CDH4: variants seen among roughly 807,000 people sequenced by gnomAD.
The protein encoded by CDH4 is cadherin-4.
CDH4 carries 33 observed loss-of-function variants against 86.0 expected under a neutral mutation model. That is an observed-to-expected ratio of 0.38 (90% CI 0.29 to 0.51). The LOEUF (loss-of-function observed/expected upper bound fraction) is 0.51, where lower values mean the gene tolerates loss of function less well. Among genes scored for constraint, CDH4 ranks in the 20% least tolerant of loss-of-function variants. The pLI, the probability that CDH4 is intolerant of heterozygous loss-of-function variation, is 0.86. For missense variants in CDH4, 1,114 were observed against 1,307.4 expected, an observed-to-expected ratio of 0.85 and a Z score of 2.28; for synonymous variants, 555 against 549.4, an observed-to-expected ratio of 1.01 and a Z score of -0.14.
intron 3 of CDH4, among the ~76,000 whole-genome samples, chr20:61,752,717 C>A (rs2088515253): frequency 6.6e-6 from 1 of 152,154 alleles, no homozygotes. Context: ...CAGCTAGAAG[C>A]AACAAAGCCA....
At chr20:61,770,935 A>G (rs1431312545) in intron 3 of CDH4, among the ~76,000 whole-genome samples, 1 of 151,620 alleles carries the variant, frequency 6.6e-6, no homozygotes, top group Non-Finnish European at 1.5e-5. Flanking sequence ...ATATGATAAC[A>G]GAACTCCCTG....
intron 2 of CDH4, among the ~76,000 whole-genome samples, chr20:61,332,002 T>A (rs1294099302): frequency 6.6e-6 from 1 of 152,134 alleles, no homozygotes; most frequent in African/African-American, 2.4e-5. Flanking sequence ...CTGCCATGGT[T>A]CTTCAGTGCC....
intron 2 of CDH4, among the ~76,000 whole-genome samples, chr20:61,691,596 T>C (rs2087655616): frequency 6.6e-6 from 1 of 151,976 alleles, no homozygotes; most frequent in Non-Finnish European, 1.5e-5. Context: ...AACATCAGAG[T>C]GAACTGATGC....
intron 2 of CDH4, among the ~76,000 whole-genome samples, chr20:61,542,452 G>A (rs1414593712): frequency 6.6e-6 from 1 of 152,186 alleles, no homozygotes; most frequent in African/African-American, 2.4e-5. Flanking sequence ...TCTGAGGAGT[G>A]AGGTTATTTC....
At position 61,803,967 on chromosome 20, in the gene CDH4, G is replaced by A. The variant is rs543451495; in HGVS notation, c.576+30785G>A. Among the ~76,000 whole-genome samples, 256 of 152,386 alleles carry A rather than the reference G, an allele frequency of 1.7e-3. 1 individual carries two copies. Among genetic ancestry groups the A allele is most frequent in the African/African-American group, 5.6e-3 (231 of 41,600 alleles). On this transcript the variant is annotated intron_variant, in intron 4 of 15. Coordinates refer to ENST00000614565, the MANE Select transcript of CDH4 (RefSeq NM_001794.5). The stretch of plus-strand genomic sequence containing the variant: ...CGGCGGAGGTAATGGAAGCAGAAAC[G>A]AGTGAAACTTTTTTGTTGTGTTTAG...
intron 3 of CDH4, among the ~76,000 whole-genome samples, chr20:61,761,924 CACA>C (rs2088638500): frequency 6.6e-6 from 1 of 152,070 alleles, no homozygotes; most frequent in African/African-American, 2.4e-5. Flanking sequence ...GGCAGCTCCG[CACA>C]GCAGGCAGCG....
chr20:61,431,048 G>A (rs1459761737), intron 2 of CDH4, among the ~76,000 whole-genome samples: 1 of 152,198 alleles, frequency 6.6e-6, no homozygotes, highest in African/African-American at 2.4e-5. Flanking sequence ...GTGTTGCTGT[G>A]TGTTTCTTTG....
chr20:61,895,663 G>A (rs977480034), intron 8 of CDH4, among the ~76,000 whole-genome samples: 10 of 152,224 alleles, frequency 6.6e-5, no homozygotes, highest in African/African-American at 2.4e-4. Context: ...CAGGGCAGCT[G>A]CACCACCAGG....
intron 2 of CDH4, among the ~76,000 whole-genome samples, chr20:61,715,143 A>G (rs1385329802): frequency 6.6e-6 from 1 of 152,060 alleles, no homozygotes; most frequent in Non-Finnish European, 1.5e-5. Context: ...TTTCCTTTGC[A>G]TTTCCCTGAT....
chr20:61,458,355 C>T lies in CDH4; in HGVS notation c.169+203418C>T, dbSNP rs369836459. 1.7e-4 allele frequency among the ~76,000 whole-genome samples: 23 copies of T among 138,088 alleles called. 1 individual carries two copies. Among genetic ancestry groups the T allele is most frequent in the East Asian group, 6.1e-4 (3 of 4,882 alleles). 90.6% of individuals were successfully genotyped at this position (138,088 alleles called of 152,430 possible). On this transcript the variant is annotated intron_variant, in intron 2 of 15. Coordinates refer to ENST00000614565, the MANE Select transcript of CDH4 (RefSeq NM_001794.5). ...GTCATGAGGGTGAGGGCAGTGCTGA[C>T]GCTGTGGTGGTCATGGTGGTGATGG... is the stretch of plus-strand genomic sequence containing the variant.
intron 2 of CDH4, among the ~76,000 whole-genome samples, chr20:61,580,884 G>C (rs555890995): frequency 2.0e-5 from 3 of 152,328 alleles, no homozygotes; most frequent in South Asian, 2.1e-4. Flanking sequence ...ATGTGAGCCC[G>C]AGGCCTTGCA....
At chr20:61,351,265 C>A (rs4812314) in intron 2 of CDH4, among the ~76,000 whole-genome samples, 111,037 of 152,124 alleles carry the variant, frequency 0.73, 41,027 homozygotes, top group African/African-American at 0.85. Flanking sequence ...TTCTTCCCTA[C>A]ACAATACAAT....
At chr20:61,822,265 A>C (rs1315069605) in intron 4 of CDH4, among the ~76,000 whole-genome samples, 3 of 152,160 alleles carry the variant, frequency 2.0e-5, no homozygotes, top group African/African-American at 4.8e-5. Flanking sequence ...TTTGTCATTT[A>C]TTCATTTTAA....
At chr20:61,504,460 T>G (rs1471031526) in intron 2 of CDH4, among the ~76,000 whole-genome samples, 1 of 152,194 alleles carries the variant, frequency 6.6e-6, no homozygotes, top group Non-Finnish European at 1.5e-5. Flanking sequence ...ATCCTGGGCC[T>G]TCTCTTCCTT....
chr20:61,919,734 A>G (rs1568887276), intron 9 of CDH4, among the ~76,000 whole-genome samples: 2 of 150,590 alleles, frequency 1.3e-5, no homozygotes, highest in East Asian at 1.9e-4. Flanking sequence ...TGTCATGATG[A>G]TTGCGTGGAA....
intron 7 of CDH4, among the ~76,000 whole-genome samples, chr20:61,883,176 A>G (rs1281222704): frequency 7.1e-6 from 1 of 140,764 alleles, no homozygotes; most frequent in Non-Finnish European, 1.5e-5. Flanking sequence ...CGAGACCTCC[A>G]CAGCTCGACA....
chr20:61,703,036 C>A lies in CDH4; in HGVS notation c.170-40527C>A, dbSNP rs2087793104. 6.6e-6 allele frequency among the ~76,000 whole-genome samples: 1 copy of A among 152,180 alleles called. No homozygotes were observed. The highest frequency in any genetic ancestry group is 2.4e-5 in the African/African-American group (1 of 41,432). ...TTCATCTCACTCTGCGTGCCGTGGT[C>A]AGTGCCATGTTTTCGGGTAGAGCAA... On this transcript the variant is annotated intron_variant, in intron 2 of 15. Coordinates refer to ENST00000614565, the MANE Select transcript of CDH4 (RefSeq NM_001794.5). The surrounding 1 kb of genome is among the most constrained non-coding windows in gnomAD (Gnocchi z 4.3).
chr20:61,515,580 C>T (rs191509397), intron 2 of CDH4, among the ~76,000 whole-genome samples: 92 of 152,238 alleles, frequency 6.0e-4, no homozygotes, highest in African/African-American at 2.0e-3. Context: ...AGGTGGCCTT[C>T]GTAAAGATGT....
At chr20:61,915,693 C>T (rs1025076931) in intron 9 of CDH4, among the ~76,000 whole-genome samples, 1 of 152,174 alleles carries the variant, frequency 6.6e-6, no homozygotes, top group African/African-American at 2.4e-5. Flanking sequence ...CCGGAAAAGA[C>T]AAAACTGTGG....
Sources: allele counts gnomAD v4.1 joint callset (sites outside exome capture counted in the v4.1 genomes callset), GRCh38; gene constraint gnomAD v4.1.1; non-coding constraint Gnocchi (gnomAD v3.1); transcripts MANE v1.5; gene names NCBI Gene and HGNC (gene_info 2026-07-23, HGNC 2026-07-21).